Variants in CDK18 observed in about 807,000 individuals in gnomAD.
CDK18 encodes cyclin-dependent kinase 18.
In CDK18, 52 loss-of-function variants were observed where a neutral mutation model predicts 62.0. The observed-to-expected ratio is 0.84, with a 90% CI of 0.67 to 1.06. CDK18 has a LOEUF of 1.06. Ranked by LOEUF, CDK18 falls within the 50% of genes least tolerant of loss-of-function variation. The probability of loss-of-function intolerance (pLI) is 0.00; values close to 1 mark genes in which losing one functional copy is unlikely to be tolerated. For synonymous variants in CDK18, 237 were observed against 247.0 expected, an observed-to-expected ratio of 0.96 and a Z score of 0.38; for missense variants, 604 against 619.9, an observed-to-expected ratio of 0.97 and a Z score of 0.27.
intron 1 of CDK18, among the ~76,000 whole-genome samples, chr1:205,510,472 T>C (rs1032560358): frequency 6.6e-6 from 1 of 152,214 alleles, no homozygotes; most frequent in Admixed American, 6.5e-5. Context: ...AGCCCCTCCC[T>C]GATCCTGCCG....
At position 205,527,773 on chromosome 1, in the gene CDK18, T is replaced by C; in HGVS notation, c.730-21T>C. 1 of 1,612,634 alleles carries C rather than the reference T, an allele frequency of 6.2e-7. No homozygotes were observed. The highest frequency in any genetic ancestry group is 1.7e-5 in the Admixed American group (1 of 59,964). On this transcript the variant is annotated intron_variant, in intron 8 of 15. Coordinates refer to ENST00000429964, the MANE Select transcript of CDK18 (RefSeq NM_212502.3). This position sits in a 1 kb window ranked among gnomAD's most constrained non-coding sequence, Gnocchi z 4.1. ...GCTCAGGGCCACCTTCCACCCCACA[T>C]TTCTCTTCCCCCTCCCCCAGATTTT... is the stretch of plus-strand genomic sequence containing the variant.
chr1:205,526,735 G>A, intron 7 of CDK18, 40 bp from the exon 8 acceptor site: 2 of 1,577,642 alleles, frequency 1.3e-6, no homozygotes, highest in Non-Finnish European at 1.7e-6. Context: ...CTGGCCAGGG[G>A]TCAGCGTGGG....
chr1:205,515,874 G>C (rs1057186164), intron 1 of CDK18, among the ~76,000 whole-genome samples: 3 of 152,222 alleles, frequency 2.0e-5, no homozygotes, highest in African/African-American at 4.8e-5. Context: ...TCCAAACAGA[G>C]GCTGTGGGAA....
At position 205,504,784 on chromosome 1, in the gene CDK18, C is replaced by G. The variant is rs1667223531; in HGVS notation, c.-34C>G. 1 of 152,250 alleles carries G rather than the reference C, an allele frequency of 6.6e-6. No homozygotes were observed. The highest frequency in any genetic ancestry group is 1.5e-5 in the Non-Finnish European group (1 of 68,076). 9.4% of individuals were successfully genotyped at this position (152,250 alleles called of 1,614,324 possible). The stretch of plus-strand genomic sequence containing the variant: ...GAGGGAGCGGGCGCACCGCGGCCCC[C>G]AGGACACGCGCTGTGAGTCCCGCGG... On this transcript the variant is annotated 5_prime_UTR_variant, in exon 1 of 16. Transcript: ENST00000429964.
chr1:205,515,105 T>C (rs1667754445), intron 1 of CDK18, among the ~76,000 whole-genome samples: 1 of 150,750 alleles, frequency 6.6e-6, no homozygotes, highest in African/African-American at 2.4e-5. Context: ...AAGACAGGGA[T>C]CCAAAAGCCT....
intron 1 of CDK18, among the ~76,000 whole-genome samples, chr1:205,505,180 G>C (rs11240501): frequency 0.75 from 114,469 of 152,090 alleles, 43,361 homozygotes; most frequent in East Asian, 0.83. Flanking sequence ...CACCCAGTCC[G>C]GAACCAGGCG....
chr1:205,518,626 G>A (rs192426271), intron 1 of CDK18, among the ~76,000 whole-genome samples: 4 of 152,314 alleles, frequency 2.6e-5, no homozygotes, highest in Admixed American at 2.0e-4. Context: ...GCGTGATTCT[G>A]GGCAAGCCAT....
intron 1 of CDK18, among the ~76,000 whole-genome samples, chr1:205,509,827 C>G (rs934160431): frequency 6.6e-6 from 1 of 152,188 alleles, no homozygotes; most frequent in Non-Finnish European, 1.5e-5. Context: ...CACCTGTAAT[C>G]CCAGAACTTT....
intron 1 of CDK18, among the ~76,000 whole-genome samples, chr1:205,518,590 C>T (rs1667949215): frequency 6.6e-6 from 1 of 152,206 alleles, no homozygotes; most frequent in Non-Finnish European, 1.5e-5. Flanking sequence ...CACGTTTGTG[C>T]ACTTGGCAAC....
chr1:205,527,512 CAT>C lies in CDK18; in HGVS notation c.730-279_730-278del, dbSNP rs1668498229. 1 of 367,238 alleles carries C rather than the reference CAT, an allele frequency of 2.7e-6. No homozygotes were observed. The highest frequency in any genetic ancestry group is 3.7e-5 in the South Asian group (1 of 26,960). 22.7% of individuals were successfully genotyped at this position (367,238 alleles called of 1,614,324 possible). On this transcript the variant is annotated intron_variant, in intron 8 of 15. Coordinates refer to ENST00000429964, the MANE Select transcript of CDK18 (RefSeq NM_212502.3). This position sits in a 1 kb window ranked among gnomAD's most constrained non-coding sequence, Gnocchi z 4.1. The stretch of plus-strand genomic sequence containing the variant: ...AAAAAAAAAAAAAAGGGATCAAGCA[CAT>C]ATGTCTCCACATAGGCGGGCATCCT...
At chr1:205,513,871 G>A (rs1667689061) in intron 1 of CDK18, among the ~76,000 whole-genome samples, 1 of 152,216 alleles carries the variant, frequency 6.6e-6, no homozygotes, top group Non-Finnish European at 1.5e-5. Context: ...AGACCTCACT[G>A]GGGGAGTAAT....
At chr1:205,525,527 A>T (rs1668380666) in intron 5 of CDK18, among the ~76,000 whole-genome samples, 1 of 151,886 alleles carries the variant, frequency 6.6e-6, no homozygotes, top group African/African-American at 2.4e-5. Flanking sequence ...AAGTTACATG[A>T]CCTCTCTGTG....
intron 1 of CDK18, among the ~76,000 whole-genome samples, chr1:205,509,906 C>A (rs1471117555): frequency 6.6e-6 from 1 of 151,986 alleles, no homozygotes; most frequent in African/African-American, 2.4e-5. Flanking sequence ...ATGGCGAAAC[C>A]CCATCTCTAC....
chr1:205,511,781 C>T (rs559421697), intron 1 of CDK18, among the ~76,000 whole-genome samples: 5 of 152,258 alleles, frequency 3.3e-5, no homozygotes, highest in African/African-American at 2.4e-5. Flanking sequence ...TGGCCAGGTG[C>T]GGTGGCTCAC....
At position 205,526,857 on chromosome 1, in the gene CDK18, G is replaced by T. The variant is rs765039969; in HGVS notation, c.729+20G>T. The T allele has an allele frequency of 3.1e-6, 5 of 1,606,948 alleles. No individual in the cohort carries two copies. Among genetic ancestry groups the T allele is most frequent in the South Asian group, 2.2e-5 (2 of 90,948 alleles). ...GTCAAGGTGAGGCCTCGGGGGCAGG[G>T]TCCCCCCATCTTGGCAGCCACCTGT... On this transcript the variant is annotated intron_variant, in intron 8 of 15. Coordinates refer to ENST00000429964, the MANE Select transcript of CDK18 (RefSeq NM_212502.3).
At chr1:205,510,582 C>G (rs1486247925) in intron 1 of CDK18, among the ~76,000 whole-genome samples, 1 of 152,196 alleles carries the variant, frequency 6.6e-6, no homozygotes, top group Non-Finnish European at 1.5e-5. Context: ...GAAGGTGGCC[C>G]TTGGGGATGC....
rs1339736448 is a variant in CDK18, at chr1:205,531,403, A to G, written c.*25A>G. On this transcript the variant is annotated 3_prime_UTR_variant, in exon 16 of 16. Coordinates refer to ENST00000429964, the MANE Select transcript of CDK18 (RefSeq NM_212502.3). Reference sequence around the variant, plus strand: ...AGCCACGCCCACCTTGCTGTGGCCAAGGGACAAGAGATCACATGGAGCACA... The same window carrying G: ...AGCCACGCCCACCTTGCTGTGGCCAGGGGACAAGAGATCACATGGAGCACA... The G allele has an allele frequency of 3.7e-6, 6 of 1,609,858 alleles. No homozygotes were observed. In the Admixed American group the frequency reaches 8.3e-5, roughly 22 times the overall value.
At chr1:205,525,878 C>A (rs1668397624) in intron 5 of CDK18, among the ~76,000 whole-genome samples, 187 bp from the exon 6 acceptor site, 1 of 152,186 alleles carries the variant, frequency 6.6e-6, no homozygotes, top group Non-Finnish European at 1.5e-5. Context: ...CGGATTCACT[C>A]CGACTGGGGA....
intron 1 of CDK18, among the ~76,000 whole-genome samples, chr1:205,519,457 C>T (rs1668003767): frequency 6.6e-6 from 1 of 151,616 alleles, no homozygotes; most frequent in African/African-American, 2.4e-5. Context: ...CATCTGACCT[C>T]CATCCTTCCA....
Sources: gnomAD v4.1 joint callset for allele counts (sites outside exome capture counted in the v4.1 genomes callset) on GRCh38, gnomAD v4.1.1 for gene constraint, Gnocchi (gnomAD v3.1) non-coding constraint, MANE v1.5 for transcripts, NCBI Gene and HGNC (gene_info 2026-07-23, HGNC 2026-07-21) for gene names.